Variants in CD101 observed in about 807,000 individuals in gnomAD.
CD101 encodes the protein CD101 molecule, also known as immunoglobulin superfamily member 2.
Under a neutral mutation model 98.2 loss-of-function variants are expected in CD101, and 76 were observed. That is an observed-to-expected ratio of 0.77 (90% CI 0.64 to 0.94). The LOEUF (loss-of-function observed/expected upper bound fraction) is 0.94, where lower values mean the gene tolerates loss of function less well. CD101 is among the 40% of genes least tolerant of loss of function. CD101 has a pLI of 0.00. For missense variants in CD101, 1,145 were observed against 1,218.8 expected (o/e 0.94, Z 0.90); for synonymous variants, 471 against 472.7 (o/e 1.00, Z 0.05).
At chr1:117,034,994 G>A (rs1219805512) in intron 9 of CD101, among the ~76,000 whole-genome samples, 3 of 152,154 alleles carry the variant, frequency 2.0e-5, no homozygotes, top group African/African-American at 7.2e-5. Context: ...CAGTGCCACC[G>A]TTCCCTCATA....
At chr1:117,001,961 A>T in intron 1 of CD101, 101 bp downstream of exon 1, 1 of 1,070,614 alleles carries the variant, frequency 9.3e-7, no homozygotes, top group Non-Finnish European at 1.4e-6. Context: ...AGGAACAACT[A>T]TGCCATATAT....
chr1:117,029,068 AAAGG>A (rs965299121), intron 8 of CD101, among the ~76,000 whole-genome samples: 48 of 150,994 alleles, frequency 3.2e-4, no homozygotes, highest in East Asian at 2.9e-3. Flanking sequence ...AGAGAGAGAG[AAAGG>A]AAGGAAGGAA....
chr1:117,018,101 G>T lies in CD101; in HGVS notation c.1613-55G>T, dbSNP rs1380883366. 1.7e-5 allele frequency: 24 copies of T among 1,449,984 alleles called. No homozygotes were observed. The highest frequency in any genetic ancestry group is 2.9e-5 in the African/African-American group (2 of 69,708). 89.8% of individuals were successfully genotyped at this position (1,449,984 alleles called of 1,614,324 possible). A position where few individuals can be genotyped will look rare whatever the true frequency, so the allele number is the denominator to read the frequency against. On this transcript the variant is annotated intron_variant, in intron 5 of 9. Transcript: ENST00000682167. This position sits in a 1 kb window ranked among gnomAD's most constrained non-coding sequence, Gnocchi z 4.3. ...GTGGCAACTAGAAAAACTTGAAAGT[G>T]CTATATTTTAATCTGGTAAATATAT... is the stretch of plus-strand genomic sequence containing the variant.
rs1156547948 is a variant in CD101 at position 117,021,336 on chromosome 1, T to A, written c.2018-237T>A. ...GGATGGAAGTTATGAAGAGATAAAGTTCAACTTGATATCAGAAAGCATTCT... is the reference window on the plus strand; with the variant it reads ...GGATGGAAGTTATGAAGAGATAAAGATCAACTTGATATCAGAAAGCATTCT... On this transcript the variant is annotated intron_variant, in intron 6 of 9. Transcript: ENST00000682167. The surrounding 1 kb of genome is among the most constrained non-coding windows in gnomAD (Gnocchi z 4.7). Among the ~76,000 whole-genome samples the A allele has an allele frequency of 1.3e-5, 2 of 152,158 alleles. No homozygotes were observed. The highest frequency in any genetic ancestry group is 3.8e-4 in the East Asian group (2 of 5,198).
intron 8 of CD101, among the ~76,000 whole-genome samples, chr1:117,029,221 GAAAGAAAGAAAGAAAGAAA>G (rs1654231887): frequency 2.4e-5 from 1 of 40,870 alleles, no homozygotes; most frequent in Non-Finnish European, 4.5e-5. Flanking sequence ...AGAAAAGAAA[GAAAGAAAGAAAGAAAGAAA>G]GAAAGAAAGA....
rs764899157 is a variant in CD101 at position 117,033,917 on chromosome 1, T to G, written c.2882T>G (p.Ile961Ser). ...GCCCCTTTACTCTATTTCCTGTTCA[T>G]CTGTCCCTTCGTCCTGCTCCTCCTT... is the stretch of plus-strand genomic sequence containing the variant. ...SSAPLLYFLF[I>S]CPFVLLLLLL... Residue 961 changes from isoleucine to serine, a missense_variant, in exon 9 of 10, where the codon ATC becomes AGC. Ile to Ser is a moderately radical substitution (Grantham distance 142). Transcript: ENST00000682167. This position sits in a 1 kb window ranked among gnomAD's most constrained non-coding sequence, Gnocchi z 4.8. 1.2e-6 allele frequency: 2 copies of G among 1,614,200 alleles called. No individual in the cohort carries two copies. The highest frequency in any genetic ancestry group is 2.2e-5 in the South Asian group (2 of 91,076).
rs1653357964 is a variant in CD101, at chr1:117,018,219, A to AC, written c.1678dup (p.Leu560ProfsTer11). The AC allele has an allele frequency of 5.6e-6, 9 of 1,613,950 alleles. No homozygotes were observed. The highest frequency in any genetic ancestry group is 7.6e-6 in the Non-Finnish European group (9 of 1,179,986). Reference sequence around the variant, plus strand: ...CAAGTGATGTTAACCAACACCTTTGACCTGTCCTGTGTCGTGAGGGCCGGT... The same window carrying AC: ...CAAGTGATGTTAACCAACACCTTTGACCCTGTCCTGTGTCGTGAGGGCCGGT... On this transcript the variant is annotated frameshift_variant, in exon 6 of 10. Coordinates refer to ENST00000682167, the MANE Select transcript of CD101 (RefSeq NM_001256106.3). LOFTEE classifies it high-confidence loss of function. This position sits in a 1 kb window ranked among gnomAD's most constrained non-coding sequence, Gnocchi z 4.3.
intron 9 of CD101, among the ~76,000 whole-genome samples, chr1:117,034,957 A>G (rs987638568): frequency 8.1e-4 from 123 of 152,222 alleles, no homozygotes; most frequent in African/African-American, 2.8e-3. Context: ...GTGGTAGGGA[A>G]GGTATTGTCT....
At position 117,025,567 on chromosome 1, in the gene CD101, A is replaced by G; in HGVS notation, c.2487A>G (p.Glu829=). The G allele has an allele frequency of 6.2e-7, 1 of 1,611,732 alleles. No homozygotes were observed. The highest frequency in any genetic ancestry group is 1.7e-5 in the Admixed American group (1 of 59,924). The change falls in exon 8 of 10, where the codon GAA becomes GAG. Residue 829 remains glutamate, a synonymous_variant. Transcript: ENST00000682167. The part of the protein sequence containing the change: ...YWTENVTEHR[E]VAIRCSLESV... ...CCGAAAATGTGACTGAGCACAGAGA[A>G]GTGGCCATCCGCTGCAGCCTGGAGA...
chr1:117,014,679 A>T (rs930426566), intron 4 of CD101, among the ~76,000 whole-genome samples: 9 of 152,154 alleles, frequency 5.9e-5, no homozygotes, highest in African/African-American at 1.7e-4. Flanking sequence ...CCCAAAAAAA[A>T]TTTTTTTTAA....
rs1167604666 is a variant in CD101 at position 117,012,016 on chromosome 1, G to A, written c.841+50G>A. On this transcript the variant is annotated intron_variant, in intron 3 of 9. Transcript: ENST00000682167. The surrounding 1 kb of genome is among the most constrained non-coding windows in gnomAD (Gnocchi z 4.0). ...TTAATACACTAGTATTAGGTAGTGG[G>A]TATTTATGAGGTATGTTTTAATTTT... The A allele has an allele frequency of 6.9e-7, 1 of 1,442,056 alleles. No homozygotes were observed. Among genetic ancestry groups the A allele is most frequent in the African/African-American group, 1.4e-5 (1 of 70,224 alleles). 89.3% of individuals were successfully genotyped at this position (1,442,056 alleles called of 1,614,324 possible).
In CD101 at chr1:117,025,346, G is replaced by C. The variant is rs186793085; in HGVS notation, c.2429-163G>C. 12 of 567,516 alleles carry C rather than the reference G, an allele frequency of 2.1e-5. No homozygotes were observed. In the African/African-American group the frequency reaches 2.3e-4, roughly 11 times the overall value. 35.2% of individuals were successfully genotyped at this position (567,516 alleles called of 1,614,324 possible). On this transcript the variant is annotated intron_variant, in intron 7 of 9. Transcript: ENST00000682167. ...CCACTGCACTCTGGCCTGGGTGACA[G>C]AGCAAGACTCTGTCTCAAAAAATAA...
intron 1 of CD101, among the ~76,000 whole-genome samples, chr1:117,009,064 C>T (rs1652718115): frequency 6.6e-6 from 1 of 152,132 alleles, no homozygotes. Flanking sequence ...GAAATATTAC[C>T]ATTTAATCAT....
Position 117,009,945 on chromosome 1 carries a change from G to A in CD101, c.139G>A (p.Gly47Ser). The A allele has an allele frequency of 1.2e-6, 2 of 1,614,170 alleles. No individual in the cohort carries two copies. Among genetic ancestry groups the A allele is most frequent in the Non-Finnish European group, 1.7e-6 (2 of 1,180,022 alleles). Reference protein sequence around the residue: ...YPVSIGCNVTGHQGPSEQHFQ... With the variant: ...YPVSIGCNVTSHQGPSEQHFQ... ...AGTCAGCATTGGCTGCAATGTAACT[G>A]GCCACCAGGGACCTTCTGAGCAGCA... The change falls in exon 2 of 10, where the codon GGC becomes AGC. Residue 47 changes from glycine (G) to serine (S), a missense_variant. Transcript: ENST00000682167.
Position 117,033,752 on chromosome 1 carries a change from T to A in CD101, c.2825-108T>A, listed in dbSNP as rs906877019. 6.8e-6 allele frequency: 10 copies of A among 1,477,716 alleles called. No homozygotes were observed. The highest frequency in any genetic ancestry group is 8.3e-6 in the Non-Finnish European group (9 of 1,088,620). The allele number at this position is 1,477,716 out of a possible 1,614,324, so 91.5% of individuals were successfully genotyped here. A position where few individuals can be genotyped will look rare whatever the true frequency, so the allele number is the denominator to read the frequency against. The stretch of plus-strand genomic sequence containing the variant: ...GGGGCCCACTGCTATTTGGCCCCAT[T>A]ATTTTTACATATACTTGCCTATAAC... On this transcript the variant is annotated intron_variant, in intron 8 of 9. Coordinates refer to ENST00000682167, the MANE Select transcript of CD101 (RefSeq NM_001256106.3). The surrounding 1 kb of genome is among the most constrained non-coding windows in gnomAD (Gnocchi z 4.8).
chr1:117,029,588 G>A (rs1222518322), intron 8 of CD101, among the ~76,000 whole-genome samples: 2 of 152,254 alleles, frequency 1.3e-5, no homozygotes, highest in African/African-American at 4.8e-5. Flanking sequence ...AAGATAATGA[G>A]TGTCTCATTA....
chr1:117,017,038 A>G, intron 4 of CD101, 52 bp from the exon 5 acceptor site: 2 of 1,547,276 alleles, frequency 1.3e-6, no homozygotes, highest in South Asian at 2.5e-5. Flanking sequence ...ATTTTAGAAC[A>G]TTTCTTATTT....
At chr1:117,026,149 T>TC in intron 8 of CD101, 1 of 415,576 alleles carries the variant, frequency 2.4e-6, no homozygotes, top group Non-Finnish European at 4.3e-6. Context: ...CAGGTCCATG[T>TC]CTTTCTGCTG....
At position 117,013,638 on chromosome 1, in the gene CD101, G is replaced by A. The variant is rs751716616; in HGVS notation, c.1074G>A (p.Lys358=). ...TCCAGGTTTCAAAGTTAGGCCCCAAGGCTTTCTCTCTCAAGATCTTCTCTC... is the reference window on the plus strand; with the variant it reads ...TCCAGGTTTCAAAGTTAGGCCCCAAAGCTTTCTCTCTCAAGATCTTCTCTC... ...GELQVSKLGP[K]AFSLKIFSLG... Residue 358 remains lysine, a synonymous_variant, in exon 4 of 10, where the codon AAG becomes AAA. Transcript: ENST00000682167. 1 of 1,614,154 alleles carries A rather than the reference G, an allele frequency of 6.2e-7. No homozygotes were observed. The highest frequency in any genetic ancestry group is 2.2e-5 in the East Asian group (1 of 44,884).
Sources: gnomAD v4.1 joint callset for allele counts (sites outside exome capture counted in the v4.1 genomes callset) on GRCh38, gnomAD v4.1.1 for gene constraint, Gnocchi (gnomAD v3.1) non-coding constraint, MANE v1.5 for transcripts, NCBI Gene and HGNC (gene_info 2026-07-23, HGNC 2026-07-21) for gene names.